Variants in ARHGAP22 observed in about 807,000 individuals in gnomAD.
ARHGAP22 encodes Rho GTPase activating protein 22, also known as rho GTPase-activating protein 22.
Under a neutral mutation model 59.1 loss-of-function variants are expected in ARHGAP22, and 48 were observed. The observed-to-expected ratio is 0.81, with a 90% CI of 0.64 to 1.03. The LOEUF (loss-of-function observed/expected upper bound fraction) is 1.03. ARHGAP22 is among the 50% of genes least tolerant of loss of function. The pLI is 0.00. For synonymous variants in ARHGAP22, 445 were observed against 416.4 expected, an observed-to-expected ratio of 1.07 and a Z score of -0.84; for missense variants, 1,015 against 958.7, an observed-to-expected ratio of 1.06 and a Z score of -0.78.
chr10:48,565,359 G>A (rs1234045391), intron 2 of ARHGAP22, among the ~76,000 whole-genome samples: 1 of 152,206 alleles, frequency 6.6e-6, no homozygotes, highest in Non-Finnish European at 1.5e-5. Context: ...CAGTGCTGCA[G>A]AAGTTTTGTG....
intron 3 of ARHGAP22, among the ~76,000 whole-genome samples, chr10:48,495,473 G>A (rs944578178): frequency 3.9e-5 from 6 of 152,242 alleles, no homozygotes; most frequent in African/African-American, 1.2e-4. Flanking sequence ...AACTGCCCCC[G>A]GTCACCCAAG....
chr10:48,576,022 G>A (rs545760206), intron 2 of ARHGAP22, among the ~76,000 whole-genome samples: 1 of 152,170 alleles, frequency 6.6e-6, no homozygotes, highest in Non-Finnish European at 1.5e-5. Flanking sequence ...GACCCCTATC[G>A]CAGCCCACGA....
At chr10:48,484,135 G>A (rs2049614025) in intron 3 of ARHGAP22, among the ~76,000 whole-genome samples, 2 of 152,132 alleles carry the variant, frequency 1.3e-5, no homozygotes, top group South Asian at 4.1e-4. Flanking sequence ...TATTGAGGAG[G>A]GTGTCCTTTC....
the ARHGAP22 span, among the ~76,000 whole-genome samples, chr10:48,440,371 A>AC: frequency 6.6e-6 from 1 of 152,234 alleles, no homozygotes; most frequent in Non-Finnish European, 1.5e-5. Flanking sequence ...AGTGACATAG[A>AC]AGTGTGCCAG....
At chr10:48,456,796 A>G (rs755524630) in intron 5 of ARHGAP22, among the ~76,000 whole-genome samples, 1 of 150,706 alleles carries the variant, frequency 6.6e-6, no homozygotes, top group Non-Finnish European at 1.5e-5. Flanking sequence ...CTGAGCTCTT[A>G]CTTCCTTTCC....
chr10:48,555,028 T>C (rs2057197859), intron 3 of ARHGAP22, among the ~76,000 whole-genome samples: 1 of 152,222 alleles, frequency 6.6e-6, no homozygotes, highest in Admixed American at 6.5e-5. Context: ...AACGTGACAG[T>C]AGAGCAGTTC....
At chr10:48,564,735 A>G (rs2057939342) in intron 2 of ARHGAP22, among the ~76,000 whole-genome samples, 1 of 152,210 alleles carries the variant, frequency 6.6e-6, no homozygotes, top group South Asian at 2.1e-4. Context: ...GGAAACAAAG[A>G]GTGATTTCCC....
chr10:48,495,111 G>C (rs532119888), intron 3 of ARHGAP22, among the ~76,000 whole-genome samples: 1 of 152,352 alleles, frequency 6.6e-6, no homozygotes, highest in African/African-American at 2.4e-5. Context: ...TCTGTGAAAG[G>C]AATGTACGAC....
chr10:48,647,371 C>T (rs1422763487), intron 1 of ARHGAP22, among the ~76,000 whole-genome samples: 5 of 151,866 alleles, frequency 3.3e-5, no homozygotes, highest in African/African-American at 4.8e-5. Context: ...CCAGTCTGGG[C>T]GACAAGAGCA....
chr10:48,618,474 G>A (rs2061167373), intron 1 of ARHGAP22, among the ~76,000 whole-genome samples: 2 of 151,980 alleles, frequency 1.3e-5, no homozygotes, highest in East Asian at 1.9e-4. Context: ...GAATCCAGCA[G>A]CATGTTAAAA....
At chr10:48,471,401 C>T (rs981601948) in intron 4 of ARHGAP22, among the ~76,000 whole-genome samples, 4 of 152,232 alleles carry the variant, frequency 2.6e-5, no homozygotes, top group Non-Finnish European at 5.9e-5. Context: ...CTTTGCTTGG[C>T]GGTGCCTGCT....
At chr10:48,604,560 T>C (rs1011283860) in intron 1 of ARHGAP22, among the ~76,000 whole-genome samples, 1 of 152,244 alleles carries the variant, frequency 6.6e-6, no homozygotes, top group South Asian at 2.1e-4. Context: ...ACCGCCCTTT[T>C]GCAACTTCAG....
intron 1 of ARHGAP22, among the ~76,000 whole-genome samples, chr10:48,648,263 G>T (rs2062397686): frequency 6.6e-6 from 1 of 152,158 alleles, no homozygotes; most frequent in South Asian, 2.1e-4. Context: ...AAAAAGATGG[G>T]AAAGGAGTAT....
chr10:48,583,286 C>T (rs754725026), intron 1 of ARHGAP22, 134 bp from the exon 2 acceptor site: 12 of 1,022,910 alleles, frequency 1.2e-5, no homozygotes, highest in African/African-American at 3.2e-5. Context: ...GCAGCTGGGC[C>T]TACTTCCCCT....
chr10:48,449,542 T>A (rs2045689162), intron 9 of ARHGAP22, among the ~76,000 whole-genome samples: 1 of 152,190 alleles, frequency 6.6e-6, no homozygotes, highest in South Asian at 2.1e-4. Flanking sequence ...TGCTAGTGGG[T>A]GGGACCCAGG....
chr10:48,487,968 G>A (rs1416400685), intron 3 of ARHGAP22, among the ~76,000 whole-genome samples: 2 of 152,190 alleles, frequency 1.3e-5, no homozygotes, highest in Non-Finnish European at 2.9e-5. Flanking sequence ...CTACTAAGGA[G>A]TCTGAGCCCA....
intron 8 of ARHGAP22, among the ~76,000 whole-genome samples, chr10:48,451,881 A>C (rs2133612846): frequency 6.7e-6 from 1 of 150,146 alleles, no homozygotes; most frequent in Middle Eastern, 3.5e-3. Context: ...ACAAGTGAAC[A>C]CACAAATCCC....
At chr10:48,631,524 A>G (rs1480902831) in intron 1 of ARHGAP22, among the ~76,000 whole-genome samples, 2 of 152,194 alleles carry the variant, frequency 1.3e-5, no homozygotes, top group African/African-American at 2.4e-5. Context: ...TGGGATATCA[A>G]TTATACTTCT....
At chr10:48,563,434 C>G (rs963173742) in intron 2 of ARHGAP22, among the ~76,000 whole-genome samples, 1 of 152,134 alleles carries the variant, frequency 6.6e-6, no homozygotes, top group Non-Finnish European at 1.5e-5. Context: ...TCGTGATCCG[C>G]CCGTCTCGGC....
Sources: allele counts gnomAD v4.1 joint callset (sites outside exome capture counted in the v4.1 genomes callset), GRCh38; gene constraint gnomAD v4.1.1; transcripts MANE v1.5; gene names NCBI Gene and HGNC (gene_info 2026-07-23, HGNC 2026-07-21).